Variants in NXPE2 observed in about 807,000 individuals in gnomAD.
NXPE2 encodes the protein neurexophilin and PC-esterase domain family member 2.
Under a neutral mutation model 34.4 loss-of-function variants are expected in NXPE2, and 34 were observed. That is an observed-to-expected ratio of 0.99 (90% CI 0.75 to 1.31). The LOEUF (loss-of-function observed/expected upper bound fraction) is 1.31. Among genes scored for constraint, NXPE2 ranks in the 40% most tolerant of loss-of-function variants. NXPE2 has a pLI of 0.00. For missense variants in NXPE2, 649 were observed against 672.5 expected, an observed-to-expected ratio of 0.97 and a Z score of 0.39; for synonymous variants, 235 against 231.3, an observed-to-expected ratio of 1.02 and a Z score of -0.15.
chr11:114,801,850 G>A, the NXPE2 span, among the ~76,000 whole-genome samples: 1 of 152,176 alleles, frequency 6.6e-6, no homozygotes, highest in Admixed American at 6.5e-5. Context: ...TAGGGGGTAG[G>A]GGCAGAGAGG....
At chr11:114,810,097 T>G in the NXPE2 span, among the ~76,000 whole-genome samples, 4 of 148,060 alleles carry the variant, frequency 2.7e-5, no homozygotes, top group Non-Finnish European at 6.0e-5. Context: ...GGGAAAGGAT[T>G]CCCTATTTAA....
the NXPE2 span, among the ~76,000 whole-genome samples, chr11:114,498,799 G>T: frequency 2.0e-5 from 3 of 151,864 alleles, no homozygotes; most frequent in Admixed American, 6.6e-5. Flanking sequence ...CATGCTAGTG[G>T]ATTAGCATGT....
chr11:114,806,736 G>T, the NXPE2 span, among the ~76,000 whole-genome samples: 9 of 151,736 alleles, frequency 5.9e-5, no homozygotes, highest in Non-Finnish European at 1.0e-4. Flanking sequence ...GAAAGTGATG[G>T]GGAGAATGGA....
chr11:114,612,965 T>C, the NXPE2 span, among the ~76,000 whole-genome samples: 1 of 151,950 alleles, frequency 6.6e-6, no homozygotes, highest in Non-Finnish European at 1.5e-5. Context: ...GGATAATAAT[T>C]GTTGCCTTGC....
the NXPE2 span, among the ~76,000 whole-genome samples, chr11:114,745,725 C>A: frequency 6.6e-6 from 1 of 151,250 alleles, no homozygotes; most frequent in Non-Finnish European, 1.5e-5. Flanking sequence ...AGCGAAAACT[C>A]AAAAATAAGG....
the NXPE2 span, among the ~76,000 whole-genome samples, chr11:114,781,652 C>T: frequency 6.6e-6 from 1 of 152,074 alleles, no homozygotes; most frequent in Non-Finnish European, 1.5e-5. Flanking sequence ...AGGGTTGTAA[C>T]AGGACTTGAA....
intron 3 of NXPE2, among the ~76,000 whole-genome samples, chr11:114,702,116 G>T (rs1432892689): frequency 2.0e-5 from 3 of 152,104 alleles, no homozygotes; most frequent in African/African-American, 7.2e-5. Flanking sequence ...GAGTTTTGTG[G>T]ATAATCGTGA....
At chr11:114,641,716 T>C in the NXPE2 span, among the ~76,000 whole-genome samples, 4 of 152,070 alleles carry the variant, frequency 2.6e-5, no homozygotes, top group African/African-American at 9.7e-5. Context: ...GAATAAAACC[T>C]AACTCTTAGA....
chr11:114,735,097 A>G, the NXPE2 span, among the ~76,000 whole-genome samples: 5 of 152,038 alleles, frequency 3.3e-5, no homozygotes, highest in East Asian at 9.6e-4. Context: ...GCAACAGAGC[A>G]AGACTCTGTC....
the NXPE2 span, among the ~76,000 whole-genome samples, chr11:114,487,199 G>C: frequency 6.6e-6 from 1 of 151,988 alleles, no homozygotes; most frequent in Non-Finnish European, 1.5e-5. Flanking sequence ...TCATTATAGA[G>C]AGCTTTCACT....
the NXPE2 span, among the ~76,000 whole-genome samples, chr11:114,747,977 C>T: frequency 1.3e-5 from 2 of 152,182 alleles, no homozygotes; most frequent in African/African-American, 4.8e-5. Context: ...CAATTCTCCC[C>T]AGCCCTTGGT....
the NXPE2 span, among the ~76,000 whole-genome samples, chr11:114,630,602 C>A: frequency 6.6e-6 from 1 of 151,486 alleles, no homozygotes; most frequent in South Asian, 2.1e-4. Flanking sequence ...CCATTCAGGA[C>A]ATAGGCATGG....
the NXPE2 span, chr11:114,552,040 A>G: frequency 6.6e-6 from 1 of 152,260 alleles, no homozygotes; most frequent in Non-Finnish European, 1.5e-5. Flanking sequence ...TGTGGAATCC[A>G]AAAAGTTCTG....
chr11:114,494,646 G>A, the NXPE2 span, among the ~76,000 whole-genome samples: 1 of 152,140 alleles, frequency 6.6e-6, no homozygotes, highest in Non-Finnish European at 1.5e-5. Context: ...TAAAACAGCT[G>A]TTTTGAATTC....
At chr11:114,617,723 G>T in the NXPE2 span, among the ~76,000 whole-genome samples, 1 of 150,030 alleles carries the variant, frequency 6.7e-6, no homozygotes, top group Non-Finnish European at 1.5e-5. Flanking sequence ...TACCCAATGC[G>T]TAATAAGTAT....
chr11:114,721,030 A>C, the NXPE2 span, among the ~76,000 whole-genome samples: 1 of 152,172 alleles, frequency 6.6e-6, no homozygotes, highest in Admixed American at 6.5e-5. Context: ...ACCTGCCTGC[A>C]GTCCTAGCCT....
the NXPE2 span, among the ~76,000 whole-genome samples, chr11:114,630,903 G>A: frequency 2.0e-5 from 3 of 151,776 alleles, no homozygotes; most frequent in East Asian, 1.9e-4. Context: ...CATTTATGCA[G>A]CCAAAAAACA....
chr11:114,557,652 TATA>T, the NXPE2 span, among the ~76,000 whole-genome samples: 1 of 61,812 alleles, frequency 1.6e-5, no homozygotes, highest in Non-Finnish European at 3.4e-5. Context: ...TATATATATA[TATA>T]TATATATATA....
the NXPE2 span, among the ~76,000 whole-genome samples, chr11:114,554,973 T>A: frequency 3.9e-5 from 6 of 152,084 alleles, no homozygotes; most frequent in Non-Finnish European, 8.8e-5. Flanking sequence ...ACACCCTAAC[T>A]AGATAGTTAC....
Sources: allele counts gnomAD v4.1 joint callset (sites outside exome capture counted in the v4.1 genomes callset), GRCh38; gene constraint gnomAD v4.1.1; transcripts MANE v1.5; gene names NCBI Gene and HGNC (gene_info 2026-07-23, HGNC 2026-07-21).